Variants in KISS1R observed in about 807,000 individuals in gnomAD.
The protein encoded by KISS1R is kiSS-1 receptor.
A neutral mutation model predicts 22.0 loss-of-function variants in KISS1R; 19 were observed. That is an observed-to-expected ratio of 0.86 (90% confidence interval 0.60 to 1.26). The LOEUF is 1.26. Ranked by LOEUF, KISS1R falls within the 50% of genes most tolerant of loss-of-function variation. KISS1R has a pLI of 0.00. For synonymous variants in KISS1R, 302 were observed against 283.9 expected (o/e 1.06, Z -0.64); for missense variants, 653 against 581.9 (o/e 1.12, Z -1.26).
In KISS1R at chr19:920,341, C is replaced by CTGGTGG. The variant is rs2037107205; in HGVS notation, c.791_796dup (p.Val265_Ala266insValVal). 6.4e-7 allele frequency: 1 copy of CTGGTGG among 1,560,322 alleles called. No individual in the cohort carries two copies. Among genetic ancestry groups the CTGGTGG allele is most frequent in the South Asian group, 1.2e-5 (1 of 86,126 alleles). The stretch of plus-strand genomic sequence containing the variant: ...CGCCGTGCGGGCCAAGGTCTCGCGG[C>CTGGTGG]TGGTGGCGGCCGTGGTCCTGCTCTT... On this transcript the variant is annotated inframe_insertion, in exon 5 of 5. Transcript: ENST00000234371.
intron 1 of KISS1R, among the ~76,000 whole-genome samples, chr19:918,136 A>C (rs2037074915): frequency 6.6e-6 from 1 of 151,684 alleles, no homozygotes; most frequent in African/African-American, 2.4e-5. Context: ...CTGTTTATGC[A>C]TTTGTGTCCT....
In KISS1R at chr19:920,373, C is replaced by T. The variant is rs772718511; in HGVS notation, c.822C>T (p.Ala274=). ...CGGCCGTGGTCCTGCTCTTCGCCGCCTGCTGGGGCCCCATCCAGCTGTTCC... is the reference window on the plus strand; with the variant it reads ...CGGCCGTGGTCCTGCTCTTCGCCGCTTGCTGGGGCCCCATCCAGCTGTTCC... ...LVAAVVLLFA[A]CWGPIQLFLV... Residue 274 remains alanine, a synonymous_variant, in exon 5 of 5, where the codon GCC becomes GCT. Transcript: ENST00000234371. 1.5e-5 allele frequency: 24 copies of T among 1,584,136 alleles called. No homozygotes were observed. Among genetic ancestry groups the T allele is most frequent in the Middle Eastern group, 1.8e-4 (1 of 5,680 alleles).
At chr19:920,238 G>C in intron 4 of KISS1R, 52 bp from the exon 5 acceptor site, 1 of 1,539,958 alleles carries the variant, frequency 6.5e-7, no homozygotes, top group South Asian at 1.2e-5. Flanking sequence ...GAGGGGATGA[G>C]CTGAGCCGGG....
rs1378254383 is a variant in KISS1R at position 920,662 on chromosome 19, GC to G, written c.1116del (p.Ala373ProfsTer52). 1.3e-5 allele frequency: 17 copies of G among 1,313,360 alleles called. No homozygotes were observed. The highest frequency in any genetic ancestry group is 7.2e-5 in the Admixed American group (2 of 27,686). The allele number at this position is 1,313,360 out of a possible 1,614,324, so 81.4% of individuals were successfully genotyped here. A position where few individuals can be genotyped will look rare whatever the true frequency, so the allele number is the denominator to read the frequency against. ...AELLRLGSHP[A>X]PARAQKPGSS... ...GCTGCTCCGCCTGGGGTCCCACCCGGCCCCCGCCAGGGCGCAGAAGCCAGGG... is the reference window on the plus strand; with the variant it reads ...GCTGCTCCGCCTGGGGTCCCACCCGGCCCCGCCAGGGCGCAGAAGCCAGGG... On this transcript the variant is annotated frameshift_variant, in exon 5 of 5. Transcript: ENST00000234371. LOFTEE classifies it low-confidence loss of function (END_TRUNC).
intron 2 of KISS1R, 77 bp from the exon 3 acceptor site, chr19:919,413 G>A: frequency 2.0e-6 from 3 of 1,527,008 alleles, no homozygotes; most frequent in South Asian, 1.2e-5. Flanking sequence ...CACACGTAGG[G>A]GGATCAGCAG....
Position 917,560 on chromosome 19 carries a change from T to G in KISS1R, c.58T>G (p.Ser20Ala), listed in dbSNP as rs914705868. Residue 20 changes from serine to alanine, a missense_variant, in exon 1 of 5, where the codon TCC (serine) becomes GCC (alanine). Physicochemically the swap from Ser to Ala is moderately conservative, Grantham distance 99. Transcript: ENST00000234371. ...GTCCTGGGGGGCACCGGCCAACGCC[T>G]CCGGCTGCCCGGGCTGTGGCGCCAA... ...NASWGAPANA[S>A]GCPGCGANAS... 4 of 1,527,268 alleles carry G rather than the reference T, an allele frequency of 2.6e-6. No homozygotes were observed. Among genetic ancestry groups the G allele is most frequent in the Middle Eastern group, 3.7e-4 (2 of 5,378 alleles). 94.6% of individuals were successfully genotyped at this position (1,527,268 alleles called of 1,614,324 possible).
chr19:920,577 G>C lies in KISS1R; in HGVS notation c.1026G>C (p.Pro342=), dbSNP rs1415330367. Residue 342 remains proline (P), a synonymous_variant, in exon 5 of 5, where the codon CCG becomes CCC. Transcript: ENST00000234371. Reference sequence around the variant, plus strand: ...TCCGCCGCGTCTGCCCCTGCGCGCCGCGCCGCCCCCGCCGCCCCCGCCGGC... The same window carrying C: ...TCCGCCGCGTCTGCCCCTGCGCGCCCCGCCGCCCCCGCCGCCCCCGCCGGC... ...QAFRRVCPCA[P]RRPRRPRRPG... 2 of 1,512,078 alleles carry C rather than the reference G, an allele frequency of 1.3e-6. No individual in the cohort carries two copies. Among genetic ancestry groups the C allele is most frequent in the Non-Finnish European group, 1.8e-6 (2 of 1,136,222 alleles). 93.7% of individuals were successfully genotyped at this position (1,512,078 alleles called of 1,614,324 possible).
intron 1 of KISS1R, 128 bp from the exon 2 acceptor site, chr19:918,416 G>T (rs2037078324): frequency 1.8e-6 from 2 of 1,097,044 alleles, no homozygotes; most frequent in Non-Finnish European, 2.5e-6. Flanking sequence ...GGGGGAGGGG[G>T]GGGCCTCCCT....
At chr19:919,746 TA>T in intron 3 of KISS1R, 121 bp downstream of exon 3, 1 of 1,503,420 alleles carries the variant, frequency 6.7e-7, no homozygotes, top group Non-Finnish European at 8.9e-7. Flanking sequence ...TCTGCCTGCC[TA>T]GGGCCAGCGA....
intron 3 of KISS1R, 93 bp from the exon 4 acceptor site, chr19:919,781 C>T: frequency 2.7e-6 from 4 of 1,491,944 alleles, no homozygotes; most frequent in South Asian, 1.2e-5. Context: ...GCGCCCGGGC[C>T]TTTGCAGGGT....
intron 2 of KISS1R, among the ~76,000 whole-genome samples, 185 bp from the exon 3 acceptor site, chr19:919,305 C>T (rs1421773707): frequency 1.3e-5 from 2 of 152,166 alleles, no homozygotes. Flanking sequence ...TTCCCCAATC[C>T]TCCTGCCCTC....
rs753639593 is a variant in KISS1R at position 920,603 on chromosome 19, C to G, written c.1052C>G (p.Pro351Arg). Residue 351 changes from proline (P) to arginine (R), a missense_variant, in exon 5 of 5, where the codon CCC becomes CGC. Physicochemically the swap from Pro to Arg is moderately radical, Grantham distance 103. Coordinates refer to ENST00000234371, the MANE Select transcript of KISS1R (RefSeq NM_032551.5). Reference protein sequence around the residue: ...APRRPRRPRRPGPSDPAAPHA... With the variant: ...APRRPRRPRRRGPSDPAAPHA... ...CGCCGCCCCCGCCGCCCCCGCCGGC[C>G]CGGACCCTCGGACCCCGCAGCCCCA... 2.1e-6 allele frequency: 3 copies of G among 1,428,928 alleles called. No homozygotes were observed. The highest frequency in any genetic ancestry group is 2.7e-6 in the Non-Finnish European group (3 of 1,099,694). The allele number at this position is 1,428,928 out of a possible 1,614,324, so 88.5% of individuals were successfully genotyped here.
In KISS1R at chr19:917,614, CG is replaced by C; in HGVS notation, c.115del (p.Ala39ProfsTer14). Reference protein sequence around the residue: ...NASDGPVPSPRAVDAWLVPLF... With the variant: ...NASDGPVPSPXAVDAWLVPLF... ...CTCGGACGGCCCAGTCCCTTCGCCG[CG>C]GGCCGTGGACGCCTGGCTCGTGCCG... On this transcript the variant is annotated frameshift_variant, in exon 1 of 5. Coordinates refer to ENST00000234371, the MANE Select transcript of KISS1R (RefSeq NM_032551.5). LOFTEE classifies it high-confidence loss of function. The C allele has an allele frequency of 6.4e-7, 1 of 1,570,634 alleles. No homozygotes were observed.
chr19:919,642 G>A lies in KISS1R; in HGVS notation c.505+17G>A, dbSNP rs1372891517. 9.1e-6 allele frequency: 14 copies of A among 1,545,544 alleles called. No individual in the cohort carries two copies. Among genetic ancestry groups the A allele is most frequent in the East Asian group, 2.4e-5 (1 of 41,544 alleles). On this transcript the variant is annotated intron_variant, in intron 3 of 4. Transcript: ENST00000234371. ...TCTGGGTAGGTGAGTACAGCTCAGG[G>A]GCCTCACGGGAGAAGGCGGACACGT...
Position 917,609 on chromosome 19 carries a change from C to T in KISS1R, c.107C>T (p.Ser36Leu). The T allele has an allele frequency of 6.4e-7, 1 of 1,565,060 alleles. No homozygotes were observed. Among genetic ancestry groups the T allele is most frequent in the South Asian group, 1.2e-5 (1 of 85,894 alleles). Residue 36 changes from serine to leucine, a missense_variant, in exon 1 of 5, where the codon TCG becomes TTG. Transcript: ENST00000234371. ...GANASDGPVP[S>L]PRAVDAWLVP... is the part of the protein sequence containing the mutation. ...AACGCCTCGGACGGCCCAGTCCCTT[C>T]GCCGCGGGCCGTGGACGCCTGGCTC...
Position 917,790 on chromosome 19 carries a change from T to C in KISS1R, c.244+44T>C, listed in dbSNP as rs576741208. 3.2e-6 allele frequency: 5 copies of C among 1,565,498 alleles called. No homozygotes were observed. In the South Asian group the frequency reaches 4.6e-5, roughly 15 times the overall value. On this transcript the variant is annotated intron_variant, in intron 1 of 4. Transcript: ENST00000234371. Reference sequence around the variant, plus strand: ...CCGCACCTGCTGCCGTCCCGGGGGCTCCGAGGGCCGAGCGGCCTGGGGCGC... The same window carrying C: ...CCGCACCTGCTGCCGTCCCGGGGGCCCCGAGGGCCGAGCGGCCTGGGGCGC...
intron 2 of KISS1R, 106 bp from the exon 3 acceptor site, chr19:919,384 G>T: frequency 1.4e-6 from 2 of 1,467,608 alleles, no homozygotes; most frequent in Non-Finnish European, 1.8e-6. Flanking sequence ...CACTTCCCGT[G>T]TATGTGCCTG....
chr19:920,447 A>G lies in KISS1R; in HGVS notation c.896A>G (p.Tyr299Cys). 6.2e-7 allele frequency: 1 copy of G among 1,610,528 alleles called. No homozygotes were observed. The highest frequency in any genetic ancestry group is 8.5e-7 in the Non-Finnish European group (1 of 1,179,120). ...GCGGGCTCCTGGCACCCACGCAGCTACGCCGCCTACGCGCTTAAGACCTGG... is the reference window on the plus strand; with the variant it reads ...GCGGGCTCCTGGCACCCACGCAGCTGCGCCGCCTACGCGCTTAAGACCTGG... ...GPAGSWHPRSYAAYALKTWAH... is the reference protein window; with the variant it reads ...GPAGSWHPRSCAAYALKTWAH... Residue 299 changes from tyrosine to cysteine, a missense_variant, in exon 5 of 5, where the codon TAC becomes TGC. Physicochemically the swap from Tyr to Cys is radical, Grantham distance 194 (BLOSUM62 -2). Coordinates refer to ENST00000234371, the MANE Select transcript of KISS1R (RefSeq NM_032551.5).
In KISS1R at chr19:920,803, G is replaced by A; in HGVS notation, c.*55G>A. 1 of 1,243,090 alleles carries A rather than the reference G, an allele frequency of 8.0e-7. No homozygotes were observed. Among genetic ancestry groups the A allele is most frequent in the African/African-American group, 1.5e-5 (1 of 64,810 alleles). The allele number at this position is 1,243,090 out of a possible 1,614,324, so 77.0% of individuals were successfully genotyped here. A position where few individuals can be genotyped will look rare whatever the true frequency, so the allele number is the denominator to read the frequency against. On this transcript the variant is annotated 3_prime_UTR_variant, in exon 5 of 5. Coordinates refer to ENST00000234371, the MANE Select transcript of KISS1R (RefSeq NM_032551.5). ...CTCGGGAGCGGGGACTGCTGGAACA[G>A]CGGCTATTCTTCTGTTATTAGTATT...
Sources: gnomAD v4.1 joint callset for allele counts (sites outside exome capture counted in the v4.1 genomes callset) on GRCh38, gnomAD v4.1.1 for gene constraint, MANE v1.5 for transcripts, NCBI Gene and HGNC (gene_info 2026-07-23, HGNC 2026-07-21) for gene names.